Variants in PRR14L observed in about 807,000 individuals in gnomAD.
PRR14L encodes the protein proline rich 14 like, also known as protein PRR14L.
PRR14L carries 80 observed loss-of-function variants against 155.0 expected under a neutral mutation model. That is an observed-to-expected ratio of 0.52 (90% CI 0.43 to 0.62). The LOEUF (loss-of-function observed/expected upper bound fraction) is 0.62, where lower values mean the gene tolerates loss of function less well. PRR14L is among the 20% of genes least tolerant of loss of function. The pLI is 0.00. For synonymous variants in PRR14L, 883 were observed against 916.0 expected (o/e 0.96, Z 0.65); for missense variants, 2,469 against 2,548.0 (o/e 0.97, Z 0.67).
intron 7 of PRR14L, among the ~76,000 whole-genome samples, chr22:31,699,866 A>G (rs2074554184): frequency 6.6e-6 from 1 of 152,040 alleles, no homozygotes; most frequent in African/African-American, 2.4e-5. Flanking sequence ...CTGCAGCTTC[A>G]AGGGTTTTTT....
At chr22:31,740,528 A>G (rs980544658) in intron 1 of PRR14L, among the ~76,000 whole-genome samples, 1 of 151,694 alleles carries the variant, frequency 6.6e-6, no homozygotes, top group Non-Finnish European at 1.5e-5. Context: ...ACACCTGGCT[A>G]ATTTTTTTTT....
chr22:31,698,007 T>C (rs1245132214), intron 7 of PRR14L, among the ~76,000 whole-genome samples: 1 of 152,152 alleles, frequency 6.6e-6, no homozygotes, highest in East Asian at 1.9e-4. Flanking sequence ...TAATGAAATA[T>C]TTAATTCAAG....
Position 31,738,514 on chromosome 22 carries a change from C to T in PRR14L, c.347G>A (p.Ser116Asn), listed in dbSNP as rs1245115209. Residue 116 changes from serine (S) to asparagine (N), a missense_variant, in exon 2 of 9, where the codon AGC becomes AAC. Physicochemically the swap from Ser to Asn is conservative, Grantham distance 46. Transcript: ENST00000327423. Reference protein sequence around the residue: ...GILDRAKRSESMEPKVFRDPG... With the variant: ...GILDRAKRSENMEPKVFRDPG... ...ATCTCTGAAGACCTTTGGCTCCATG[C>T]TCTCGCTTCTCTTTGCCCTATCCAA... 3.2e-6 allele frequency: 5 copies of T among 1,551,926 alleles called. No homozygotes were observed. Among genetic ancestry groups the T allele is most frequent in the African/African-American group, 2.7e-5 (2 of 73,054 alleles).
At chr22:31,707,915 T>C (rs745880314) in intron 4 of PRR14L, among the ~76,000 whole-genome samples, 22 of 152,080 alleles carry the variant, frequency 1.4e-4, no homozygotes, top group Non-Finnish European at 2.5e-4. Flanking sequence ...TTTAGGAGGC[T>C]GGGGCAGGCA....
chr22:31,717,669 G>T (rs1309424528), intron 3 of PRR14L, among the ~76,000 whole-genome samples: 2 of 152,082 alleles, frequency 1.3e-5, no homozygotes, highest in African/African-American at 2.4e-5. Context: ...TATTTTACTA[G>T]ATGACCATGT....
intron 2 of PRR14L, among the ~76,000 whole-genome samples, chr22:31,737,030 T>C (rs1363650324): frequency 6.6e-5 from 2 of 30,400 alleles, no homozygotes; most frequent in Non-Finnish European, 1.1e-4. Context: ...AGTGAGAGAC[T>C]CAAAAAAAAA....
chr22:31,731,722 T>C (rs1248775589), intron 2 of PRR14L, among the ~76,000 whole-genome samples: 3 of 152,120 alleles, frequency 2.0e-5, no homozygotes, highest in Non-Finnish European at 4.4e-5. Flanking sequence ...TCCCCAATCC[T>C]AGAACACATA....
At position 31,682,444 on chromosome 22, in the gene PRR14L, A is replaced by C. The variant is rs2074459524; in HGVS notation, c.*3083T>G. 1.3e-5 allele frequency: 2 copies of C among 152,192 alleles called. No homozygotes were observed. The highest frequency in any genetic ancestry group is 1.3e-4 in the Admixed American group (2 of 15,260). The allele number at this position is 152,192 out of a possible 1,614,324, so 9.4% of individuals were successfully genotyped here. The stretch of plus-strand genomic sequence containing the variant: ...AGCTACTGTAGCTTAGAGTAAGGTC[A>C]GTAAGAAAAAGTGGACATGATCTGC... On this transcript the variant is annotated 3_prime_UTR_variant, in exon 9 of 9. Transcript: ENST00000327423.
chr22:31,747,855 G>T (rs532546939), intron 1 of PRR14L, among the ~76,000 whole-genome samples: 37 of 149,804 alleles, frequency 2.5e-4, no homozygotes, highest in African/African-American at 8.5e-4. Context: ...ACCAGTGAAG[G>T]ATTAACATTG....
At chr22:31,727,234 C>CTTT (rs397831840) in intron 2 of PRR14L, among the ~76,000 whole-genome samples, 5 of 136,740 alleles carry the variant, frequency 3.7e-5, no homozygotes, top group African/African-American at 1.1e-4. Context: ...AGCCACAATT[C>CTTT]TTTTTTTTTT....
chr22:31,719,551 G>A (rs1022510420), intron 3 of PRR14L, among the ~76,000 whole-genome samples: 3 of 152,086 alleles, frequency 2.0e-5, no homozygotes, highest in African/African-American at 4.8e-5. Flanking sequence ...AAGCACAAGA[G>A]CACTTAATAA....
chr22:31,738,174 G>T (rs1167245673), intron 2 of PRR14L, among the ~76,000 whole-genome samples: 7 of 152,164 alleles, frequency 4.6e-5, no homozygotes, highest in Non-Finnish European at 5.9e-5. Context: ...CTGCTTCAGA[G>T]AACTGACACT....
intron 3 of PRR14L, among the ~76,000 whole-genome samples, chr22:31,723,289 C>T (rs989897818): frequency 3.3e-5 from 5 of 152,142 alleles, no homozygotes; most frequent in Admixed American, 2.6e-4. Context: ...AAAAGTGTCA[C>T]AGAGTAATTT....
intron 7 of PRR14L, among the ~76,000 whole-genome samples, chr22:31,688,754 A>G (rs896172793): frequency 1.3e-5 from 2 of 150,072 alleles, no homozygotes; most frequent in African/African-American, 2.5e-5. Context: ...TTTTTTTTCT[A>G]TCTCCCTCCA....
intron 7 of PRR14L, among the ~76,000 whole-genome samples, chr22:31,692,451 G>A (rs2147853189): frequency 6.6e-6 from 1 of 152,202 alleles, no homozygotes; most frequent in South Asian, 2.1e-4. Flanking sequence ...ATGCTTGTGG[G>A]CCATTTGTCT....
rs1454215382 is a variant in PRR14L, at chr22:31,716,618, A to C, written c.1221T>G (p.Ser407Arg). 3.2e-6 allele frequency: 5 copies of C among 1,551,796 alleles called. No individual in the cohort carries two copies. The highest frequency in any genetic ancestry group is 1.4e-5 in the African/African-American group (1 of 73,138). The change falls in exon 4 of 9, where the codon AGT (serine) becomes AGG (arginine). Residue 407 changes from serine (S) to arginine (R), a missense_variant. By Grantham distance (110) the Ser-to-Arg change is moderately radical. Transcript: ENST00000327423. ...ENEERLLIPRSERGGPFLFNA... is the reference protein window; with the variant it reads ...ENEERLLIPRRERGGPFLFNA... ...TAAAAAGAAAAGGTCCACCTCTTTCACTCCTAGGAATCAAAAGCCGTTCCT... is the reference window on the plus strand; with the variant it reads ...TAAAAAGAAAAGGTCCACCTCTTTCCCTCCTAGGAATCAAAAGCCGTTCCT...
chr22:31,741,245 T>G (rs1229020907), intron 1 of PRR14L, among the ~76,000 whole-genome samples: 1 of 116,624 alleles, frequency 8.6e-6, no homozygotes, highest in Non-Finnish European at 1.7e-5. Context: ...AGAGCGAGGC[T>G]CTGTCTCAAA....
chr22:31,719,636 T>TC (rs1414161176), intron 3 of PRR14L, among the ~76,000 whole-genome samples: 2 of 152,132 alleles, frequency 1.3e-5, no homozygotes, highest in Admixed American at 6.5e-5. Context: ...TTCTAGGGCT[T>TC]CCCTATCCAT....
chr22:31,744,202 A>G (rs1344637742), intron 1 of PRR14L, among the ~76,000 whole-genome samples: 2 of 147,722 alleles, frequency 1.4e-5, no homozygotes, highest in Non-Finnish European at 1.5e-5. Context: ...GTGCGATCTT[A>G]GCTCACCACA....
Sources: gnomAD v4.1 joint callset for allele counts (sites outside exome capture counted in the v4.1 genomes callset) on GRCh38, gnomAD v4.1.1 for gene constraint, MANE v1.5 for transcripts, NCBI Gene and HGNC (gene_info 2026-07-23, HGNC 2026-07-21) for gene names.